PAPSS1: variants seen among roughly 807,000 people sequenced by gnomAD.
PAPSS1 encodes bifunctional 3'-phosphoadenosine 5'-phosphosulfate synthase 1.
In PAPSS1, 50 loss-of-function variants were observed where a neutral mutation model predicts 72.0. The ratio of observed to expected loss-of-function variants is 0.69; its 90% CI spans 0.55 to 0.88. PAPSS1 has a LOEUF of 0.88. Ranked by LOEUF, PAPSS1 falls within the 40% of genes least tolerant of loss-of-function variation. The pLI is 0.00. For missense variants in PAPSS1, 657 were observed against 782.2 expected, an observed-to-expected ratio of 0.84 and a Z score of 1.91; for synonymous variants, 261 against 263.6, an observed-to-expected ratio of 0.99 and a Z score of 0.09.
In PAPSS1 at chr4:107,660,067, A is replaced by G. The variant is rs35989677; in HGVS notation, c.675T>C (p.Ile225=). 642 of 1,446,372 alleles carry G rather than the reference A, an allele frequency of 4.4e-4. 7 individuals are homozygous for G. In the Admixed American group the frequency reaches 0.01, roughly 24 times the overall value. The allele number at this position is 1,446,372 out of a possible 1,614,324, so 89.6% of individuals were successfully genotyped here. The stretch of plus-strand genomic sequence containing the variant: ...CTTCATAAGATGCATCCACAGGTAC[A>G]ATATCCTATATAACAACAGGAGTAC... ...QVVELLQERD[I]VPVDASYEVK... Residue 225 remains isoleucine (I), a synonymous_variant, in exon 6 of 12, where the codon ATT becomes ATC. Transcript: ENST00000265174.
At chr4:107,670,253 C>T (rs911490556) in intron 5 of PAPSS1, among the ~76,000 whole-genome samples, 2 of 152,148 alleles carry the variant, frequency 1.3e-5, no homozygotes, top group African/African-American at 2.4e-5. Flanking sequence ...TTGAATGAAA[C>T]TGTCCAATCA....
intron 6 of PAPSS1, 112 bp downstream of exon 6, chr4:107,659,847 C>A (rs75483741): frequency 3.2e-4 from 1 of 3,094 alleles, no homozygotes; most frequent in Non-Finnish European, 6.0e-4. Context: ...AACATCTTTG[C>A]CCCCCCAGCT....
chr4:107,632,498 G>A (rs1258430943), intron 10 of PAPSS1, among the ~76,000 whole-genome samples: 1 of 148,378 alleles, frequency 6.7e-6, no homozygotes, highest in Non-Finnish European at 1.5e-5. Flanking sequence ...TATAACATAT[G>A]CCTAATACTA....
chr4:107,635,089 C>T (rs921499881), intron 10 of PAPSS1, among the ~76,000 whole-genome samples: 16 of 151,974 alleles, frequency 1.1e-4, no homozygotes, highest in Non-Finnish European at 2.1e-4. Context: ...TGAGCCACCG[C>T]GCTTGGCCTA....
Position 107,669,241 on chromosome 4 carries a change from C to T in PAPSS1, c.670-9169G>A, listed in dbSNP as rs546438042. 1.6e-4 allele frequency among the ~76,000 whole-genome samples: 25 copies of T among 152,318 alleles called. No individual in the cohort carries two copies. The East Asian group carries it at 4.0e-3, about 25-fold the overall frequency. Reference sequence around the variant, plus strand: ...GTGGGCAAATGCACAACTGGCATTTCTAAGGATGAACTTTGAGCTGAATGT... The same window carrying T: ...GTGGGCAAATGCACAACTGGCATTTTTAAGGATGAACTTTGAGCTGAATGT... On this transcript the variant is annotated intron_variant, in intron 5 of 11. Coordinates refer to ENST00000265174, the MANE Select transcript of PAPSS1 (RefSeq NM_005443.5).
At chr4:107,633,246 A>G (rs560104006) in intron 10 of PAPSS1, among the ~76,000 whole-genome samples, 1 of 152,352 alleles carries the variant, frequency 6.6e-6, no homozygotes, top group East Asian at 1.9e-4. Context: ...ATCAATATTC[A>G]TCTGTAAAGT....
intron 11 of PAPSS1, among the ~76,000 whole-genome samples, chr4:107,616,299 G>A (rs1288862369): frequency 1.3e-5 from 2 of 152,062 alleles, no homozygotes; most frequent in African/African-American, 2.4e-5. Context: ...AAATGAGAAT[G>A]TCAATTATTA....
intron 3 of PAPSS1, among the ~76,000 whole-genome samples, chr4:107,692,681 C>T (rs1722961292): frequency 6.6e-6 from 1 of 151,984 alleles, no homozygotes; most frequent in Non-Finnish European, 1.5e-5. Flanking sequence ...AAGATACATG[C>T]ATGAGTATGT....
At position 107,687,109 on chromosome 4, in the gene PAPSS1, A is replaced by T. The variant is rs747756897; in HGVS notation, c.480T>A (p.Ala160=). 3 of 1,604,672 alleles carry T rather than the reference A, an allele frequency of 1.9e-6. No individual in the cohort carries two copies. The highest frequency in any genetic ancestry group is 2.5e-6 in the Non-Finnish European group (3 of 1,176,480). ...CCCTCTGTTCACAAACATGCAGAGG[A>T]GCATCAACAAATACTTCAAAAAACG... ...SLPFFEVFVD[A]PLHVCEQRDV... The change falls in exon 4 of 12, where the codon GCT becomes GCA. Residue 160 remains alanine (A), a synonymous_variant. Coordinates refer to ENST00000265174, the MANE Select transcript of PAPSS1 (RefSeq NM_005443.5).
Position 107,701,169 on chromosome 4 carries a change from AC to A in PAPSS1, c.175+1del. The A allele has an allele frequency of 6.2e-7, 1 of 1,602,254 alleles. No individual in the cohort carries two copies. Among genetic ancestry groups the A allele is most frequent in the Non-Finnish European group, 8.6e-7 (1 of 1,169,472 alleles). ...AAACTGCTTTCTCTCTCTTGACCATACCTGTTAGCCAAACTGTGCAACCACG... is the reference window on the plus strand; with the variant it reads ...AAACTGCTTTCTCTCTCTTGACCATACTGTTAGCCAAACTGTGCAACCACG... On this transcript the variant is annotated splice_donor_variant, in intron 2 of 11. Coordinates refer to ENST00000265174, the MANE Select transcript of PAPSS1 (RefSeq NM_005443.5). LOFTEE classifies it high-confidence loss of function.
chr4:107,622,348 G>C (rs1357262814), intron 11 of PAPSS1, among the ~76,000 whole-genome samples: 1 of 152,074 alleles, frequency 6.6e-6, no homozygotes, highest in Non-Finnish European at 1.5e-5. Context: ...AGATACTATA[G>C]TTGACTAAGA....
At chr4:107,658,403 G>C (rs550799200) in intron 6 of PAPSS1, among the ~76,000 whole-genome samples, 68 of 145,732 alleles carry the variant, frequency 4.7e-4, no homozygotes, top group African/African-American at 1.5e-3. Flanking sequence ...TATTTTCCAA[G>C]AAAAGTCTCT....
chr4:107,643,908 C>T (rs1344058150), intron 10 of PAPSS1, among the ~76,000 whole-genome samples: 2 of 151,942 alleles, frequency 1.3e-5, no homozygotes, highest in African/African-American at 4.8e-5. Flanking sequence ...GAAAATAAGA[C>T]AAATTAGGAA....
At chr4:107,719,803 G>A in intron 1 of PAPSS1, 5 of 1,206,676 alleles carry the variant, frequency 4.1e-6, no homozygotes, top group Non-Finnish European at 3.1e-6. Flanking sequence ...GTTTCAGCAA[G>A]CGCCAGTTCA....
chr4:107,621,779 C>T (rs2726197), intron 11 of PAPSS1, among the ~76,000 whole-genome samples: 21,844 of 151,358 alleles, frequency 0.14, 3,199 homozygotes, highest in African/African-American at 0.38. Flanking sequence ...TGCCACCACG[C>T]CTGGCTAATT....
chr4:107,626,823 C>T (rs191797313), intron 11 of PAPSS1, among the ~76,000 whole-genome samples: 34 of 152,248 alleles, frequency 2.2e-4, no homozygotes, highest in Non-Finnish European at 3.8e-4. Context: ...CACTTTCCAA[C>T]GTATTACCAT....
rs1042481232 is a variant in PAPSS1, at chr4:107,677,568, A to G, written c.669+4447T>C. Among the ~76,000 whole-genome samples, 8 of 152,202 alleles carry G rather than the reference A, an allele frequency of 5.3e-5. 1 individual carries two copies. The highest frequency in any genetic ancestry group is 5.2e-4 in the Admixed American group (8 of 15,276). On this transcript the variant is annotated intron_variant, in intron 5 of 11. Transcript: ENST00000265174. ...CTGGAGAGGATGTGGAGAAATAGGA[A>G]CACTTTTACACTGTTGGTGGGACTA...
intron 1 of PAPSS1, among the ~76,000 whole-genome samples, chr4:107,710,425 T>G (rs1217875999): frequency 2.0e-5 from 3 of 152,230 alleles, no homozygotes; most frequent in Admixed American, 2.0e-4. Flanking sequence ...TTAACACATT[T>G]ATTTGTCTTC....
At chr4:107,649,970 A>G (rs2110315410) in intron 9 of PAPSS1, among the ~76,000 whole-genome samples, 1 of 152,316 alleles carries the variant, frequency 6.6e-6, no homozygotes, top group East Asian at 1.9e-4. Flanking sequence ...CCTTGCAATC[A>G]CCGATGTGTG....
Sources: gnomAD v4.1 joint callset for allele counts (sites outside exome capture counted in the v4.1 genomes callset) on GRCh38, gnomAD v4.1.1 for gene constraint, MANE v1.5 for transcripts, NCBI Gene and HGNC (gene_info 2026-07-23, HGNC 2026-07-21) for gene names.